Variants in CCDC138 observed in about 807,000 individuals in gnomAD.
CCDC138 encodes coiled-coil domain containing 138, also known as coiled-coil domain-containing protein 138.
A neutral mutation model predicts 82.3 loss-of-function variants in CCDC138; 66 were observed. The ratio of observed to expected loss-of-function variants is 0.80; its 90% CI spans 0.66 to 0.98. The LOEUF (loss-of-function observed/expected upper bound fraction) is 0.98, where lower values mean the gene tolerates loss of function less well. Ranked by LOEUF, CCDC138 falls within the 50% of genes least tolerant of loss-of-function variation. The pLI is 0.00. For synonymous variants in CCDC138, 297 were observed against 265.4 expected (o/e 1.12, Z -1.16); for missense variants, 816 against 758.9 (o/e 1.08, Z -0.88).
intron 10 of CCDC138, among the ~76,000 whole-genome samples, chr2:108,825,827 T>G (rs1686494586): frequency 6.6e-6 from 1 of 152,210 alleles, no homozygotes; most frequent in Non-Finnish European, 1.5e-5. Context: ...AGAGTGGAAC[T>G]GCTAAAGTGC....
At chr2:108,845,081 A>G (rs1485914939) in intron 11 of CCDC138, among the ~76,000 whole-genome samples, 1 of 152,104 alleles carries the variant, frequency 6.6e-6, no homozygotes, top group African/African-American at 2.4e-5. Flanking sequence ...TTCATTATAA[A>G]AGTGTAGTAG....
intron 13 of CCDC138, among the ~76,000 whole-genome samples, chr2:108,863,038 C>A (rs1330628565): frequency 6.6e-6 from 1 of 152,144 alleles, no homozygotes; most frequent in East Asian, 1.9e-4. Flanking sequence ...GAACTTACTT[C>A]TGAATATATC....
chr2:108,865,097 A>G (rs142759238), intron 13 of CCDC138, among the ~76,000 whole-genome samples: 107 of 152,218 alleles, frequency 7.0e-4, no homozygotes, highest in African/African-American at 2.4e-3. Flanking sequence ...ACACATTTTT[A>G]CTTTTTCCTT....
At chr2:108,854,368 G>C (rs925750872) in intron 12 of CCDC138, among the ~76,000 whole-genome samples, 1 of 151,336 alleles carries the variant, frequency 6.6e-6, no homozygotes, top group Admixed American at 6.6e-5. Context: ...TTCACTACTA[G>C]CTGTGTGGTA....
chr2:108,862,076 A>AG (rs997977094), intron 13 of CCDC138, among the ~76,000 whole-genome samples: 1 of 50,446 alleles, frequency 2.0e-5, no homozygotes, highest in African/African-American at 5.5e-5. Context: ...GTATGATTTC[A>AG]GTTTTTTTTT....
At chr2:108,845,712 T>C (rs13407037) in intron 11 of CCDC138, among the ~76,000 whole-genome samples, 132,497 of 151,796 alleles carry the variant, frequency 0.87, 58,204 homozygotes, top group East Asian at 1. Context: ...GCTGGGACTA[T>C]GGGCACCCGC....
rs544880294 is a variant in CCDC138 at position 108,813,896 on chromosome 2, A to G, written c.1041+969A>G. Among the ~76,000 whole-genome samples, 5 of 152,204 alleles carry G rather than the reference A, an allele frequency of 3.3e-5. No individual in the cohort carries two copies. In the South Asian group the frequency reaches 8.3e-4, roughly 25 times the overall value. The stretch of plus-strand genomic sequence containing the variant: ...TACTTGTTTGTGTAAGGCTTTTCTC[A>G]GCATAATTATGAGTGTATCAGTAGT... On this transcript the variant is annotated intron_variant, in intron 9 of 14. Coordinates refer to ENST00000295124, the MANE Select transcript of CCDC138 (RefSeq NM_144978.3).
intron 8 of CCDC138, 47 bp from the exon 9 acceptor site, chr2:108,812,773 C>A: frequency 1.2e-6 from 2 of 1,611,220 alleles, no homozygotes; most frequent in Non-Finnish European, 1.7e-6. Flanking sequence ...TGAGTTTACT[C>A]ATTTAGATAC....
intron 13 of CCDC138, among the ~76,000 whole-genome samples, chr2:108,869,813 C>T (rs9646942): frequency 0.91 from 139,026 of 152,144 alleles, 63,600 homozygotes; most frequent in East Asian, 1. Context: ...GTAGTGAAGG[C>T]CTTTCATGTC....
At chr2:108,863,594 A>G (rs79785323) in intron 13 of CCDC138, among the ~76,000 whole-genome samples, 5,411 of 152,218 alleles carry the variant, frequency 0.036, 156 homozygotes, top group Non-Finnish European at 0.051. Context: ...TTTTCTTTCT[A>G]TTCTGGTTTG....
chr2:108,809,433 C>T (rs1204069694), intron 7 of CCDC138, among the ~76,000 whole-genome samples: 2 of 144,752 alleles, frequency 1.4e-5, no homozygotes, highest in East Asian at 4.2e-4. Flanking sequence ...TGTTCCAGTC[C>T]ATGAACATGA....
intron 11 of CCDC138, among the ~76,000 whole-genome samples, chr2:108,845,228 A>G (rs1415889765): frequency 1.3e-5 from 2 of 152,074 alleles, no homozygotes; most frequent in Admixed American, 6.6e-5. Flanking sequence ...TTTTTTTTCT[A>G]ATAATATAAA....
intron 10 of CCDC138, among the ~76,000 whole-genome samples, chr2:108,824,561 GC>G (rs1686246339): frequency 6.6e-6 from 1 of 152,128 alleles, no homozygotes; most frequent in African/African-American, 2.4e-5. Flanking sequence ...TGGAAGACCT[GC>G]TGAAGGACCT....
At position 108,812,666 on chromosome 2, in the gene CCDC138, C is replaced by T. The variant is rs1457614166; in HGVS notation, c.891C>T (p.Asp297=). Residue 297 remains aspartate, a synonymous_variant, in exon 8 of 15, where the codon GAC becomes GAT. Transcript: ENST00000295124. ...NEASEENRKI[D]IQAKRVQARL... is the part of the protein sequence containing the mutation. ...CAAGTGAAGAAAACAGGAAGATAGA[C>T]ATTCAGGCTAAAAGAGTTCAAGCTC... is the stretch of plus-strand genomic sequence containing the variant. 1 of 1,612,922 alleles carries T rather than the reference C, an allele frequency of 6.2e-7. No homozygotes were observed. The highest frequency in any genetic ancestry group is 1.1e-5 in the South Asian group (1 of 91,022).
chr2:108,866,845 G>A (rs1694493806), intron 13 of CCDC138, among the ~76,000 whole-genome samples: 1 of 151,522 alleles, frequency 6.6e-6, no homozygotes, highest in Admixed American at 6.6e-5. Context: ...ATCACGCCAC[G>A]GCACTCCAGC....
chr2:108,858,543 T>G (rs1693011259), intron 13 of CCDC138, among the ~76,000 whole-genome samples: 1 of 152,158 alleles, frequency 6.6e-6, no homozygotes, highest in Admixed American at 6.5e-5. Context: ...TTAATGTAAA[T>G]TCAGTACTTG....
chr2:108,804,780 G>T, intron 6 of CCDC138, 109 bp from the exon 7 acceptor site: 1 of 1,083,678 alleles, frequency 9.2e-7, no homozygotes. Flanking sequence ...ACTGATTAAA[G>T]TTTTTGTGAT....
chr2:108,791,576 T>G (rs1436811041), intron 3 of CCDC138, 99 bp from the exon 4 acceptor site: 1 of 1,393,672 alleles, frequency 7.2e-7, no homozygotes, highest in Non-Finnish European at 1.0e-6. Flanking sequence ...TTTTTACATT[T>G]TTTCTCAGTT....
intron 13 of CCDC138, among the ~76,000 whole-genome samples, chr2:108,867,904 G>A (rs1694670048): frequency 6.6e-6 from 1 of 152,182 alleles, no homozygotes; most frequent in Non-Finnish European, 1.5e-5. Context: ...CTATCTGGGA[G>A]CTGAGGTGAG....
Sources: gnomAD v4.1 joint callset for allele counts (sites outside exome capture counted in the v4.1 genomes callset) on GRCh38, gnomAD v4.1.1 for gene constraint, MANE v1.5 for transcripts, NCBI Gene and HGNC (gene_info 2026-07-23, HGNC 2026-07-21) for gene names.